CSNK1G3: variants seen among roughly 807,000 people sequenced by gnomAD.
The protein encoded by CSNK1G3 is casein kinase I isoform gamma-3.
In CSNK1G3, 23 loss-of-function variants were observed where a neutral mutation model predicts 64.3. That is an observed-to-expected ratio of 0.36 (90% CI 0.26 to 0.51). CSNK1G3 has a LOEUF of 0.51. Among genes scored for constraint, CSNK1G3 ranks in the 20% least tolerant of loss-of-function variants. The pLI is 0.96. For synonymous variants in CSNK1G3, 158 were observed against 162.2 expected, an observed-to-expected ratio of 0.97 and a Z score of 0.20; for missense variants, 357 against 510.5, an observed-to-expected ratio of 0.70 and a Z score of 2.90.
intron 1 of CSNK1G3, among the ~76,000 whole-genome samples, chr5:123,513,068 G>C (rs1219366105): frequency 1.2e-4 from 19 of 152,102 alleles, no homozygotes; most frequent in Admixed American, 1.2e-3. Flanking sequence ...TCAGCTCAGG[G>C]ATAAACTTCC....
At chr5:123,599,335 GA>G (rs1794023911) in intron 10 of CSNK1G3, among the ~76,000 whole-genome samples, 2 of 152,170 alleles carry the variant, frequency 1.3e-5, no homozygotes, top group Admixed American at 1.3e-4. Flanking sequence ...GCACTTGGGA[GA>G]AAAAGGGGCA....
chr5:123,516,665 CTT>C (rs1309599869), intron 1 of CSNK1G3, among the ~76,000 whole-genome samples: 2 of 152,042 alleles, frequency 1.3e-5, no homozygotes, highest in African/African-American at 4.8e-5. Context: ...TTTTTGGTCG[CTT>C]TGTTTACCAA....
intron 6 of CSNK1G3, 114 bp from the exon 7 acceptor site, chr5:123,587,953 AT>A: frequency 1.6e-6 from 1 of 637,482 alleles, no homozygotes; most frequent in Non-Finnish European, 2.7e-6. Flanking sequence ...TGTATTTTGT[AT>A]TTATATGTTG....
At chr5:123,546,657 A>G (rs1782580404) in intron 2 of CSNK1G3, among the ~76,000 whole-genome samples, 1 of 152,140 alleles carries the variant, frequency 6.6e-6, no homozygotes, top group African/African-American at 2.4e-5. Flanking sequence ...TGGACCACCA[A>G]GAGTGAACTT....
At chr5:123,567,554 T>C (rs1787165460) in intron 4 of CSNK1G3, among the ~76,000 whole-genome samples, 1 of 152,140 alleles carries the variant, frequency 6.6e-6, no homozygotes, top group South Asian at 2.1e-4. Flanking sequence ...TGTGGCAAGC[T>C]GAGATCGCAC....
At chr5:123,543,938 G>A (rs1782102947) in intron 1 of CSNK1G3, among the ~76,000 whole-genome samples, 1 of 152,090 alleles carries the variant, frequency 6.6e-6, no homozygotes, top group Non-Finnish European at 1.5e-5. Flanking sequence ...CCTAATTAGG[G>A]AAAAGGAGTC....
At chr5:123,600,727 T>A (rs1040591920) in intron 10 of CSNK1G3, among the ~76,000 whole-genome samples, 1 of 152,108 alleles carries the variant, frequency 6.6e-6, no homozygotes, top group Non-Finnish European at 1.5e-5. Flanking sequence ...TTAAAAATCA[T>A]TGACAATAAA....
chr5:123,542,849 AGTGTGTGTGTGTGT>A (rs66645709), intron 1 of CSNK1G3, among the ~76,000 whole-genome samples: 5 of 134,848 alleles, frequency 3.7e-5, no homozygotes, highest in East Asian at 2.2e-4. Flanking sequence ...GCCTAGATTT[AGTGTGTGTGTGTGT>A]GTGTGTGTGT....
intron 10 of CSNK1G3, among the ~76,000 whole-genome samples, chr5:123,592,217 T>G (rs1042380027): frequency 6.6e-6 from 1 of 151,988 alleles, no homozygotes; most frequent in African/African-American, 2.4e-5. Flanking sequence ...AAGGGCATTT[T>G]GGGGAGAGTG....
exon 6 of CSNK1G3, chr5:123,575,798 A>G (rs776612345): frequency 6.2e-7 from 1 of 1,613,718 alleles, no homozygotes; most frequent in South Asian, 1.1e-5. Flanking sequence ...GAACTTCTTA[A>G]TAGGACGACC....
At chr5:123,516,691 A>G (rs906555203) in intron 1 of CSNK1G3, among the ~76,000 whole-genome samples, 1 of 152,190 alleles carries the variant, frequency 6.6e-6, no homozygotes, top group Non-Finnish European at 1.5e-5. Flanking sequence ...TATATTACAT[A>G]GTTGTAATTT....
At chr5:123,575,745 A>G in exon 6 of CSNK1G3, 2 of 1,612,076 alleles carry the variant, frequency 1.2e-6, no homozygotes, top group South Asian at 1.1e-5. Flanking sequence ...CGCATGGAAT[A>G]TGTCCATTCA....
chr5:123,525,380 C>T (rs570449158), intron 1 of CSNK1G3, among the ~76,000 whole-genome samples: 53 of 150,584 alleles, frequency 3.5e-4, no homozygotes, highest in African/African-American at 1.2e-3. Flanking sequence ...GGTGCGATCT[C>T]GGCTCACTAC....
intron 3 of CSNK1G3, among the ~76,000 whole-genome samples, chr5:123,555,850 G>T (rs956490800): frequency 1.3e-5 from 2 of 152,038 alleles, no homozygotes; most frequent in Non-Finnish European, 2.9e-5. Context: ...TTGTGATTGT[G>T]TACATGGACA....
intron 1 of CSNK1G3, among the ~76,000 whole-genome samples, chr5:123,521,225 G>C (rs1359719484): frequency 6.6e-6 from 1 of 152,058 alleles, no homozygotes; most frequent in African/African-American, 2.4e-5. Context: ...TCTGACAACA[G>C]TCTGACTCTC....
At chr5:123,612,028 A>T (rs1265795833) in intron 12 of CSNK1G3, among the ~76,000 whole-genome samples, 1 of 152,208 alleles carries the variant, frequency 6.6e-6, no homozygotes, top group Non-Finnish European at 1.5e-5. Context: ...AATCTCTTAC[A>T]TGTGTAGTCT....
intron 2 of CSNK1G3, chr5:123,552,841 A>G (rs192498016): frequency 1.4e-4 from 33 of 228,354 alleles, no homozygotes; most frequent in South Asian, 6.8e-4. Flanking sequence ...ATATTCCAAG[A>G]AAGTCAGAAT....
rs142453960 is a variant in CSNK1G3, at chr5:123,567,481, C to G, written c.290-5912C>G. ...ATTAGCTGGGCGTGGTGGCAGGTGCCTATAATCCCAGCTATTTTGGGAGCC... is the reference window on the plus strand; with the variant it reads ...ATTAGCTGGGCGTGGTGGCAGGTGCGTATAATCCCAGCTATTTTGGGAGCC... On this transcript the variant is annotated intron_variant, in intron 4 of 12. Coordinates refer to ENST00000345990, the Ensembl canonical transcript of CSNK1G3. Among the ~76,000 whole-genome samples, 386 of 152,182 alleles carry G rather than the reference C, an allele frequency of 2.5e-3. 1 individual carries two copies. Among genetic ancestry groups the G allele is most frequent in the African/African-American group, 9.1e-3 (376 of 41,536 alleles).
At chr5:123,529,694 C>T (rs945031506) in intron 1 of CSNK1G3, among the ~76,000 whole-genome samples, 8 of 152,120 alleles carry the variant, frequency 5.3e-5, no homozygotes, top group African/African-American at 1.9e-4. Flanking sequence ...AGATGACCTG[C>T]TCACGGAGGT....
Sources: gnomAD v4.1 joint callset for allele counts (sites outside exome capture counted in the v4.1 genomes callset) on GRCh38, gnomAD v4.1.1 for gene constraint, MANE v1.5 for transcripts, NCBI Gene and HGNC (gene_info 2026-07-23, HGNC 2026-07-21) for gene names.